HMCN1: variants seen among roughly 807,000 people sequenced by gnomAD.
The protein encoded by HMCN1 is hemicentin-1.
A neutral mutation model predicts 625.9 loss-of-function variants in HMCN1; 321 were observed. That is an observed-to-expected ratio of 0.51 (90% CI 0.47 to 0.56). The LOEUF (loss-of-function observed/expected upper bound fraction) is 0.56, where lower values mean the gene tolerates loss of function less well. Ranked by LOEUF, HMCN1 falls within the 20% of genes least tolerant of loss-of-function variation. The pLI, the probability that HMCN1 is intolerant of heterozygous loss-of-function variation, is 0.00. For synonymous variants in HMCN1, 2,425 were observed against 2,417.6 expected (o/e 1.00, Z -0.09); for missense variants, 6,588 against 6,887.3 (o/e 0.96, Z 1.54).
At chr1:185,866,633 C>T (rs1663229591) in intron 4 of HMCN1, among the ~76,000 whole-genome samples, 1 of 151,736 alleles carries the variant, frequency 6.6e-6, no homozygotes, top group African/African-American at 2.4e-5. Flanking sequence ...ATCTCGATCT[C>T]CTGACCTCGT....
intron 66 of HMCN1, 109 bp downstream of exon 66, chr1:186,093,778 G>GT (rs1367532905): frequency 2.8e-6 from 4 of 1,443,336 alleles, no homozygotes; most frequent in East Asian, 4.6e-5. Context: ...AGCCTTTACA[G>GT]TTTTTTTCCC....
intron 1 of HMCN1, among the ~76,000 whole-genome samples, chr1:185,791,076 G>A (rs1657958506): frequency 6.6e-6 from 1 of 151,910 alleles, no homozygotes; most frequent in Admixed American, 6.6e-5. Context: ...CTCATACTTT[G>A]GATTCAGCTT....
At chr1:186,048,540 G>A (rs1656728456) in intron 41 of HMCN1, among the ~76,000 whole-genome samples, 1 of 152,024 alleles carries the variant, frequency 6.6e-6, no homozygotes, top group Non-Finnish European at 1.5e-5. Flanking sequence ...TTAAAATAAG[G>A]TATGGCATAG....
intron 15 of HMCN1, among the ~76,000 whole-genome samples, chr1:185,972,724 C>T (rs1650917856): frequency 6.6e-6 from 1 of 152,088 alleles, no homozygotes; most frequent in African/African-American, 2.4e-5. Flanking sequence ...TTGTAGCTCA[C>T]AATGTTAGGA....
chr1:185,914,735 A>G (rs1320465228), intron 6 of HMCN1, among the ~76,000 whole-genome samples: 2 of 151,436 alleles, frequency 1.3e-5, no homozygotes, highest in Non-Finnish European at 3.0e-5. Flanking sequence ...TTTTCCCTAA[A>G]ATGTTCTTTT....
intron 1 of HMCN1, among the ~76,000 whole-genome samples, chr1:185,752,898 C>T (rs932929054): frequency 6.6e-6 from 1 of 152,066 alleles, no homozygotes; most frequent in Admixed American, 6.6e-5. Context: ...AATTATAGGT[C>T]AACTTCCTTT....
intron 52 of HMCN1, among the ~76,000 whole-genome samples, 155 bp downstream of exon 52, chr1:186,070,912 A>G (rs1039771024): frequency 7.2e-5 from 11 of 152,208 alleles, no homozygotes; most frequent in African/African-American, 2.4e-4. Flanking sequence ...CTTAAAAAAA[A>G]AACCCAACCA....
intron 1 of HMCN1, among the ~76,000 whole-genome samples, chr1:185,758,131 G>A (rs942444177): frequency 4.6e-5 from 7 of 152,208 alleles, no homozygotes; most frequent in East Asian, 3.9e-4. Flanking sequence ...GACTGTTGGC[G>A]GATATATACA....
Position 186,053,972 on chromosome 1 carries a change from A to G in HMCN1, c.6848A>G (p.Asn2283Ser), listed in dbSNP as rs764219324. 8.1e-6 allele frequency: 13 copies of G among 1,612,444 alleles called. No homozygotes were observed. The highest frequency in any genetic ancestry group is 1.1e-5 in the Non-Finnish European group (13 of 1,179,086). ...NVAGTAKKEY[N>S]LQVYIRPTIT... ...GCTGGGACTGCAAAGAAAGAATACA[A>G]TCTGCAAGTTTACAGTAAGTTGTTG... The change falls in exon 44 of 107, where the codon AAT (asparagine) becomes AGT (serine). Residue 2283 changes from asparagine to serine, a missense_variant. Physicochemically the swap from Asn to Ser is conservative, Grantham distance 46. Transcript: ENST00000271588.
intron 4 of HMCN1, among the ~76,000 whole-genome samples, chr1:185,871,860 C>G (rs1663641661): frequency 1.3e-5 from 2 of 152,168 alleles, no homozygotes; most frequent in African/African-American, 4.8e-5. Context: ...TGCATATGGG[C>G]TCAATGATGA....
At chr1:185,876,540 C>A (rs539107929) in intron 4 of HMCN1, among the ~76,000 whole-genome samples, 2 of 152,002 alleles carry the variant, frequency 1.3e-5, no homozygotes, top group Admixed American at 6.6e-5. Flanking sequence ...AGTGTGTAAG[C>A]GTTCTCTTTT....
At chr1:186,028,341 G>T (rs1243705086) in intron 36 of HMCN1, among the ~76,000 whole-genome samples, 8 of 152,136 alleles carry the variant, frequency 5.3e-5, no homozygotes, top group African/African-American at 4.8e-5. Context: ...ATAAGATATT[G>T]TTACTTTATT....
chr1:185,812,138 T>C (rs1019376603), intron 1 of HMCN1, among the ~76,000 whole-genome samples: 1 of 146,526 alleles, frequency 6.8e-6, no homozygotes, highest in Admixed American at 6.8e-5. Context: ...CTTAATAGTA[T>C]GTTGTTGATT....
intron 4 of HMCN1, among the ~76,000 whole-genome samples, chr1:185,894,720 T>A (rs1295762424): frequency 1.3e-5 from 2 of 152,242 alleles, no homozygotes; most frequent in Non-Finnish European, 2.9e-5. Context: ...TTTATTTATT[T>A]TTTTTGTATA....
intron 1 of HMCN1, among the ~76,000 whole-genome samples, chr1:185,842,670 G>T (rs1302316991): frequency 6.6e-6 from 1 of 151,996 alleles, no homozygotes; most frequent in African/African-American, 2.4e-5. Flanking sequence ...GGTCAAGGCC[G>T]CAGTAAGCTA....
Position 185,990,295 on chromosome 1 carries a change from G to A in HMCN1, c.3229G>A (p.Asp1077Asn). ...TVYVRPRVFG[D>N]QRGLSQDKPV... ...TTTAGTAAGGCCCAGAGTGTTTGGA[G>A]ATCAACGAGGACTGTCCCAGGATAA... The change falls in exon 22 of 107, where the codon GAT becomes AAT. Residue 1077 changes from aspartate (D) to asparagine (N), a missense_variant. Physicochemically the swap from Asp to Asn is conservative, Grantham distance 23. Transcript: ENST00000271588. The A allele has an allele frequency of 6.2e-7, 1 of 1,613,972 alleles. No individual in the cohort carries two copies.
At chr1:185,835,423 G>A (rs534638661) in intron 1 of HMCN1, among the ~76,000 whole-genome samples, 19 of 151,834 alleles carry the variant, frequency 1.3e-4, no homozygotes, top group Non-Finnish European at 2.6e-4. Context: ...CAGTGCATTG[G>A]TGACTTGTAA....
chr1:186,187,567 A>G (rs1308383858), intron 105 of HMCN1, among the ~76,000 whole-genome samples: 1 of 152,204 alleles, frequency 6.6e-6, no homozygotes, highest in African/African-American at 2.4e-5. Flanking sequence ...CTTGCTTTAT[A>G]AAACTCAAAT....
At chr1:185,775,773 AG>A (rs1433431137) in intron 1 of HMCN1, among the ~76,000 whole-genome samples, 1 of 152,188 alleles carries the variant, frequency 6.6e-6, no homozygotes, top group African/African-American at 2.4e-5. Context: ...TTTAATCAAG[AG>A]GTTAGTGTTT....
Sources: gnomAD v4.1 joint callset for allele counts (sites outside exome capture counted in the v4.1 genomes callset) on GRCh38, gnomAD v4.1.1 for gene constraint, MANE v1.5 for transcripts, NCBI Gene and HGNC (gene_info 2026-07-23, HGNC 2026-07-21) for gene names.